The following CWF19L1 variants were observed in gnomAD, a reference collection of about 807,000 sequenced individuals.
CWF19L1 encodes CWF19-like protein 1.
In CWF19L1, 60 loss-of-function variants were observed where a neutral mutation model predicts 69.7. The ratio of observed to expected loss-of-function variants is 0.86; its 90% CI spans 0.70 to 1.07. The LOEUF (loss-of-function observed/expected upper bound fraction) is 1.07, where lower values mean the gene tolerates loss of function less well. Among genes scored for constraint, CWF19L1 ranks in the 50% least tolerant of loss-of-function variants. The probability of loss-of-function intolerance (pLI) is 0.00; values close to 1 mark genes in which losing one functional copy is unlikely to be tolerated. For synonymous variants in CWF19L1, 209 were observed against 222.2 expected (o/e 0.94, Z 0.53); for missense variants, 591 against 638.9 (o/e 0.92, Z 0.81).
At position 100,233,156 on chromosome 10, in the gene CWF19L1, TTC is replaced by T; in HGVS notation, c.*69_*70del. The T allele has an allele frequency of 1.4e-6, 2 of 1,448,854 alleles. No individual in the cohort carries two copies. The highest frequency in any genetic ancestry group is 1.9e-6 in the Non-Finnish European group (2 of 1,080,490). 89.7% of individuals were successfully genotyped at this position (1,448,854 alleles called of 1,614,324 possible). A position where few individuals can be genotyped will look rare whatever the true frequency, so the allele number is the denominator to read the frequency against. On this transcript the variant is annotated 3_prime_UTR_variant, in exon 14 of 14. Coordinates refer to ENST00000354105, the MANE Select transcript of CWF19L1 (RefSeq NM_018294.6). ...GAGCGAGACTTTGTCTCAAAAAAAA[TTC>T]TTTTAATTAAAAAAAAAAAAAAGCT...
intron 7 of CWF19L1, among the ~76,000 whole-genome samples, chr10:100,249,468 G>T (rs939857337): frequency 7.2e-6 from 1 of 138,276 alleles, no homozygotes; most frequent in African/African-American, 3.4e-5. Flanking sequence ...TATTTTTCTG[G>T]TATATTCTTT....
At chr10:100,254,457 T>A (rs576217091) in intron 5 of CWF19L1, 2 of 152,324 alleles carry the variant, frequency 1.3e-5, no homozygotes, top group South Asian at 2.1e-4. Flanking sequence ...ACCAATTAAG[T>A]GATCTCTCAC....
At chr10:100,265,485 T>C (rs1847545684) in intron 1 of CWF19L1, among the ~76,000 whole-genome samples, 1 of 151,632 alleles carries the variant, frequency 6.6e-6, no homozygotes, top group African/African-American at 2.4e-5. Context: ...TTGTGCCCTT[T>C]TTTTTTTTCC....
chr10:100,252,041 T>TA (rs1353853908), intron 6 of CWF19L1, among the ~76,000 whole-genome samples: 1 of 152,200 alleles, frequency 6.6e-6, no homozygotes, highest in Non-Finnish European at 1.5e-5. Context: ...CTTGCTCACT[T>TA]AAATTTTTTT....
At position 100,256,292 on chromosome 10, in the gene CWF19L1, G is replaced by A; in HGVS notation, c.474C>T (p.Pro158=). 1 of 1,614,010 alleles carries A rather than the reference G, an allele frequency of 6.2e-7. No individual in the cohort carries two copies. Reference sequence around the variant, plus strand: ...AATTCCCAAAGTTCCCCACACACTTGGGCCATGGGGATGTGAGCAAGATAT... The same window carrying A: ...AATTCCCAAAGTTCCCCACACACTTAGGCCATGGGGATGTGAGCAAGATAT... ...GVDILLTSPW[P]KCVGNFGNSS... The change falls in exon 5 of 14, where the codon CCC becomes CCT. Residue 158 remains proline (P), a synonymous_variant. Coordinates refer to ENST00000354105, the MANE Select transcript of CWF19L1 (RefSeq NM_018294.6).
chr10:100,233,349 T>C lies in CWF19L1; in HGVS notation c.1495A>G (p.Ile499Val). Reference sequence around the variant, plus strand: ...TCAGACTTATCAGGAACATTAAGGATGGCTTCACTGGCCAGGACCTCCCTG... The same window carrying C: ...TCAGACTTATCAGGAACATTAAGGACGGCTTCACTGGCCAGGACCTCCCTG... ...FGREVLASEAILNVPDKSDWR... is the reference protein window; with the variant it reads ...FGREVLASEAVLNVPDKSDWR... Residue 499 changes from isoleucine to valine, a missense_variant, in exon 14 of 14, where the codon ATC (isoleucine) becomes GTC (valine). Coordinates refer to ENST00000354105, the MANE Select transcript of CWF19L1 (RefSeq NM_018294.6). The C allele has an allele frequency of 1.2e-6, 2 of 1,613,514 alleles. No individual in the cohort carries two copies. The highest frequency in any genetic ancestry group is 1.7e-6 in the Non-Finnish European group (2 of 1,179,756).
At chr10:100,236,762 T>G in intron 12 of CWF19L1, 88 bp downstream of exon 12, 10 of 1,481,258 alleles carry the variant, frequency 6.8e-6, no homozygotes, top group Non-Finnish European at 9.0e-6. Context: ...AGAGCAAGAC[T>G]CTGTCTCAAA....
At chr10:100,253,857 G>A (rs1847122601) in intron 5 of CWF19L1, 1 of 219,634 alleles carries the variant, frequency 4.6e-6, no homozygotes. Context: ...GGAGCCCACA[G>A]ACTGGGCTTC....
At chr10:100,235,833 T>C (rs1175570017) in intron 12 of CWF19L1, 69 bp from the exon 13 acceptor site, 4 of 1,107,556 alleles carry the variant, frequency 3.6e-6, no homozygotes, top group Non-Finnish European at 5.4e-6. Flanking sequence ...AGTTCATCTC[T>C]AGGCAAATAA....
At chr10:100,262,129 T>C in intron 1 of CWF19L1, 66 bp from the exon 2 acceptor site, 1 of 1,557,370 alleles carries the variant, frequency 6.4e-7, no homozygotes, top group Non-Finnish European at 8.6e-7. Context: ...GTTTGGTATA[T>C]ACTGGTCTTT....
chr10:100,236,879 C>G lies in CWF19L1; in HGVS notation c.1345G>C (p.Glu449Gln). Reference protein sequence around the residue: ...QAQEQQIELLEIPEHSDIKQI... With the variant: ...QAQEQQIELLQIPEHSDIKQI... ...TTGATGTCAGAGTGCTCTGGGATTT[C>G]CAACAGCTCTATCTGCTGCTCCTGT... Residue 449 changes from glutamate to glutamine, a missense_variant, in exon 12 of 14, where the codon GAA (glutamate) becomes CAA (glutamine). Around this residue, in one of 3 missense-constraint regions of CWF19L1, gnomAD observed 458 missense variants for 489.3 expected, o/e 0.94. Coordinates refer to ENST00000354105, the MANE Select transcript of CWF19L1 (RefSeq NM_018294.6). 6.2e-7 allele frequency: 1 copy of G among 1,610,050 alleles called. No individual in the cohort carries two copies.
intron 7 of CWF19L1, chr10:100,248,597 A>T: frequency 1.3e-6 from 1 of 741,300 alleles, no homozygotes; most frequent in Non-Finnish European, 2.5e-6. Context: ...GAAGAGGATT[A>T]TGATAAGCGT....
chr10:100,242,034 G>A (rs553959960), intron 10 of CWF19L1, among the ~76,000 whole-genome samples: 120 of 152,290 alleles, frequency 7.9e-4, no homozygotes, highest in African/African-American at 2.8e-3. Flanking sequence ...AGGGAAATCA[G>A]AGTCAAACAC....
intron 10 of CWF19L1, among the ~76,000 whole-genome samples, chr10:100,242,500 C>T (rs1178710864): frequency 6.6e-6 from 1 of 152,058 alleles, no homozygotes; most frequent in Admixed American, 6.5e-5. Context: ...AGGGTGAAAC[C>T]CTGTCTCTAC....
In CWF19L1 at chr10:100,253,429, A is replaced by C. The variant is rs779007183; in HGVS notation, c.615T>G (p.Leu205=). 3.2e-6 allele frequency: 5 copies of C among 1,586,766 alleles called. No homozygotes were observed. Among genetic ancestry groups the C allele is most frequent in the Non-Finnish European group, 4.3e-6 (5 of 1,155,498 alleles). Residue 205 remains leucine, a synonymous_variant, in exon 6 of 14, where the codon CTT becomes CTG. Transcript: ENST00000354105. ...AALEKTYYER[L]PYRNHIILQE... is the part of the protein sequence containing the mutation. ...AATGAAATGCTACTCACCGATATGG[A>C]AGCCTCTCATAATAGGTCTTTTCCA...
intron 7 of CWF19L1, among the ~76,000 whole-genome samples, chr10:100,247,697 C>A (rs1255654260): frequency 6.6e-6 from 1 of 152,110 alleles, no homozygotes; most frequent in East Asian, 1.9e-4. Flanking sequence ...GAGATAGAGA[C>A]CAGCCCGACC....
chr10:100,263,055 G>C (rs17112834), intron 1 of CWF19L1, among the ~76,000 whole-genome samples: 8,725 of 151,984 alleles, frequency 0.057, 393 homozygotes, highest in African/African-American at 0.11. Flanking sequence ...CTATGGCAGA[G>C]GAAGAATCAG....
intron 5 of CWF19L1, chr10:100,254,195 T>C (rs1011329275): frequency 3.9e-5 from 6 of 152,274 alleles, no homozygotes; most frequent in African/African-American, 1.4e-4. Flanking sequence ...AGTGCATCTG[T>C]AGTTCACGGG....
intron 4 of CWF19L1, among the ~76,000 whole-genome samples, chr10:100,259,479 T>C (rs1374476292): frequency 6.6e-6 from 1 of 152,170 alleles, no homozygotes; most frequent in Non-Finnish European, 1.5e-5. Flanking sequence ...AACCTAGAGC[T>C]ATAAATAGTT....
Sources: gnomAD v4.1 joint callset for allele counts (sites outside exome capture counted in the v4.1 genomes callset) on GRCh38, gnomAD v4.1.1 for gene constraint, gnomAD v4.1.1 regional missense constraint, MANE v1.5 for transcripts, NCBI Gene and HGNC (gene_info 2026-07-23, HGNC 2026-07-21) for gene names.